Variants in KCNQ5 observed in about 807,000 individuals in gnomAD.
KCNQ5 encodes potassium voltage-gated channel subfamily KQT member 5.
KCNQ5 carries 30 observed loss-of-function variants against 98.2 expected under a neutral mutation model. The observed-to-expected ratio is 0.31, with a 90% CI of 0.23 to 0.41. The LOEUF is 0.41. Ranked by LOEUF, KCNQ5 falls within the 10% of genes least tolerant of loss-of-function variation. The probability of loss-of-function intolerance (pLI) is 1.00; values close to 1 mark genes in which losing one functional copy is unlikely to be tolerated. For missense variants in KCNQ5, 835 were observed against 1,182.5 expected, an observed-to-expected ratio of 0.71 and a Z score of 4.31; for synonymous variants, 458 against 449.4, an observed-to-expected ratio of 1.02 and a Z score of -0.24.
At chr6:73,025,344 G>A (rs370770235) in intron 2 of KCNQ5, among the ~76,000 whole-genome samples, 30 of 152,264 alleles carry the variant, frequency 2.0e-4, no homozygotes, top group African/African-American at 5.1e-4. Context: ...CACTTCAGCC[G>A]GGAGAGGTGG....
intron 1 of KCNQ5, among the ~76,000 whole-genome samples, chr6:72,962,203 A>G (rs1353316931): frequency 2.1e-5 from 2 of 94,946 alleles, no homozygotes; most frequent in African/African-American, 8.1e-5. Flanking sequence ...ATATATATAC[A>G]TATATATATA....
intron 1 of KCNQ5, among the ~76,000 whole-genome samples, chr6:72,718,468 T>A (rs1441448034): frequency 6.9e-6 from 1 of 145,754 alleles, no homozygotes; most frequent in Non-Finnish European, 1.5e-5. Flanking sequence ...TTTTTTTTTT[T>A]TTTGACAGAG....
intron 1 of KCNQ5, among the ~76,000 whole-genome samples, chr6:72,972,651 T>C (rs1334250577): frequency 6.6e-6 from 1 of 152,184 alleles, no homozygotes; most frequent in Non-Finnish European, 1.5e-5. Flanking sequence ...GCTTCATTCA[T>C]GTCCCTGCAA....
rs960292283 is a variant in KCNQ5, at chr6:73,194,825, A to G, written c.2210A>G (p.Asn737Ser). 3.1e-6 allele frequency: 5 copies of G among 1,613,988 alleles called. No homozygotes were observed. The African/African-American group carries it at 6.7e-5, about 22-fold the overall frequency. ...ACCAACACCATTGCAAACCAAATAA[A>G]TACGGCACCCAAGCCAGCAGCCCCA... ...AATNTIANQI[N>S]TAPKPAAPTT... The change falls in exon 14 of 14, where the codon AAT (asparagine) becomes AGT (serine). Residue 737 changes from asparagine (N) to serine (S), a missense_variant. Asn to Ser is a conservative substitution (Grantham distance 46). Transcript: ENST00000370398.
At chr6:73,046,599 C>CTTTATTTTATTTTAT (rs1221352203) in intron 3 of KCNQ5, among the ~76,000 whole-genome samples, 3 of 72,400 alleles carry the variant, frequency 4.1e-5, no homozygotes, top group African/African-American at 1.6e-4. Flanking sequence ...TTTTACTTTA[C>CTTTATTTTATTTTAT]TTTATTTTAT....
intron 1 of KCNQ5, among the ~76,000 whole-genome samples, chr6:72,772,479 G>C (rs1052340578): frequency 1.3e-5 from 2 of 152,046 alleles, no homozygotes; most frequent in African/African-American, 2.4e-5. Context: ...TTCTATTCTG[G>C]TAAAATAAAT....
At chr6:73,118,217 A>G (rs1300677660) in intron 7 of KCNQ5, among the ~76,000 whole-genome samples, 1 of 152,224 alleles carries the variant, frequency 6.6e-6, no homozygotes, top group Non-Finnish European at 1.5e-5. Context: ...CCACTGTGCT[A>G]CCTTCTAACA....
rs79348591 is a variant in KCNQ5, at chr6:72,823,772, T to C, written c.399-180136T>C. On this transcript the variant is annotated intron_variant, in intron 1 of 13. Coordinates refer to ENST00000370398, the MANE Select transcript of KCNQ5 (RefSeq NM_019842.4). ...CTCAGGAGCTCAGAAATAAAGAACA[T>C]TGGAGTGAAAAAAAATTCCGAATTA... is the stretch of plus-strand genomic sequence containing the variant. 8.9e-4 allele frequency among the ~76,000 whole-genome samples: 136 copies of C among 152,186 alleles called. 1 individual carries two copies. The highest frequency in any genetic ancestry group is 6.4e-3 in the South Asian group (31 of 4,822).
intron 10 of KCNQ5, among the ~76,000 whole-genome samples, chr6:73,167,246 C>A (rs1052457597): frequency 6.6e-6 from 1 of 152,238 alleles, no homozygotes; most frequent in African/African-American, 2.4e-5. Context: ...CTCATTCCAA[C>A]TGGGGCAAAT....
intron 2 of KCNQ5, among the ~76,000 whole-genome samples, chr6:73,037,340 G>A (rs1327632585): frequency 6.6e-6 from 1 of 151,824 alleles, no homozygotes; most frequent in Non-Finnish European, 1.5e-5. Context: ...TTAGTACCTG[G>A]GCTCTCACAG....
chr6:72,857,330 A>T (rs1777573210), intron 1 of KCNQ5, among the ~76,000 whole-genome samples: 1 of 152,148 alleles, frequency 6.6e-6, no homozygotes, highest in Non-Finnish European at 1.5e-5. Flanking sequence ...TTTAATGTTT[A>T]TATTAAAAAA....
intron 1 of KCNQ5, among the ~76,000 whole-genome samples, chr6:72,925,686 G>A (rs1457014157): frequency 6.6e-6 from 1 of 152,136 alleles, no homozygotes; most frequent in Non-Finnish European, 1.5e-5. Flanking sequence ...AAACAAAGTG[G>A]GCTTGTTGAA....
chr6:73,108,282 T>C (rs1422630551), intron 6 of KCNQ5, among the ~76,000 whole-genome samples: 2 of 152,162 alleles, frequency 1.3e-5, no homozygotes, highest in Non-Finnish European at 2.9e-5. Context: ...TGCAGGTCTT[T>C]CTCCTTTTTA....
At chr6:72,700,291 A>ATATCTATC (rs70994146) in intron 1 of KCNQ5, among the ~76,000 whole-genome samples, 2,361 of 149,164 alleles carry the variant, frequency 0.016, 26 homozygotes, top group Middle Eastern at 0.021. Flanking sequence ...CTATATATCT[A>ATATCTATC]TATCTATCTA....
chr6:72,895,786 T>C (rs1226869406), intron 1 of KCNQ5, among the ~76,000 whole-genome samples: 1 of 151,658 alleles, frequency 6.6e-6, no homozygotes, highest in Non-Finnish European at 1.5e-5. Flanking sequence ...TTAGTCTTTT[T>C]AAAGAATGGA....
chr6:72,731,753 CAAT>C (rs1170652307), intron 1 of KCNQ5, among the ~76,000 whole-genome samples: 2 of 152,178 alleles, frequency 1.3e-5, no homozygotes, highest in Non-Finnish European at 2.9e-5. Flanking sequence ...TTGCTCCCAA[CAAT>C]ATAGAGATTC....
intron 1 of KCNQ5, among the ~76,000 whole-genome samples, chr6:72,707,391 G>T (rs1435421233): frequency 1.3e-5 from 2 of 152,020 alleles, no homozygotes; most frequent in African/African-American, 4.8e-5. Flanking sequence ...TCACCTGCAG[G>T]CATTATCCTT....
chr6:72,917,464 A>G (rs914937342), intron 1 of KCNQ5, among the ~76,000 whole-genome samples: 4 of 145,584 alleles, frequency 2.7e-5, no homozygotes, highest in Non-Finnish European at 6.2e-5. Flanking sequence ...TTTTTATTTT[A>G]TTTTATTTTA....
chr6:72,670,380 A>G (rs1223976814), intron 1 of KCNQ5, among the ~76,000 whole-genome samples: 1 of 152,046 alleles, frequency 6.6e-6, no homozygotes, highest in Admixed American at 6.5e-5. Context: ...CTTAATGGCA[A>G]TCTTAGCTTT....
Sources: gnomAD v4.1 joint callset for allele counts (sites outside exome capture counted in the v4.1 genomes callset) on GRCh38, gnomAD v4.1.1 for gene constraint, MANE v1.5 for transcripts, NCBI Gene and HGNC (gene_info 2026-07-23, HGNC 2026-07-21) for gene names.